The following DTD1 variants were observed in gnomAD, a reference collection of about 807,000 sequenced individuals.
DTD1 encodes D-tyrosyl-tRNA deacylase 1 homolog.
DTD1 carries 13 observed loss-of-function variants against 25.6 expected under a neutral mutation model. The observed-to-expected ratio is 0.51, with a 90% CI of 0.33 to 0.81. The LOEUF (loss-of-function observed/expected upper bound fraction) is 0.81. Ranked by LOEUF, DTD1 falls within the 30% of genes least tolerant of loss-of-function variation. The pLI, the probability that DTD1 is intolerant of heterozygous loss-of-function variation, is 0.02. For synonymous variants in DTD1, 110 were observed against 103.6 expected (o/e 1.06, Z -0.37); for missense variants, 193 against 266.4 (o/e 0.72, Z 1.92).
intron 1 of DTD1, among the ~76,000 whole-genome samples, chr20:18,592,017 G>A (rs1022200784): frequency 6.6e-6 from 1 of 152,214 alleles, no homozygotes; most frequent in Non-Finnish European, 1.5e-5. Flanking sequence ...ATGGATTGAT[G>A]TGCTCTGCTG....
At chr20:18,723,618 T>C (rs187884315) in intron 4 of DTD1, among the ~76,000 whole-genome samples, 166 of 152,350 alleles carry the variant, frequency 1.1e-3, no homozygotes, top group Non-Finnish European at 1.9e-3. Context: ...GTACACTTGG[T>C]TTTGTATGTA....
At chr20:18,760,530 G>A (rs2061357293) in intron 5 of DTD1, among the ~76,000 whole-genome samples, 1 of 152,230 alleles carries the variant, frequency 6.6e-6, no homozygotes, top group Non-Finnish European at 1.5e-5. Flanking sequence ...GCTATCAGCA[G>A]TGGAGGCTGC....
At chr20:18,594,545 C>T (rs1485944410) in intron 2 of DTD1, among the ~76,000 whole-genome samples, 1 of 152,166 alleles carries the variant, frequency 6.6e-6, no homozygotes, top group Non-Finnish European at 1.5e-5. Flanking sequence ...GCACCTCCTC[C>T]CCTCCATTAC....
At chr20:18,708,332 ATT>A (rs1405079034) in intron 4 of DTD1, among the ~76,000 whole-genome samples, 5 of 69,510 alleles carry the variant, frequency 7.2e-5, no homozygotes, top group Non-Finnish European at 5.5e-5. Flanking sequence ...ATATATATAT[ATT>A]TTATATATAT....
chr20:18,703,955 C>T (rs1474181553), intron 4 of DTD1, among the ~76,000 whole-genome samples: 2 of 151,252 alleles, frequency 1.3e-5, no homozygotes, highest in Non-Finnish European at 2.9e-5. Context: ...ATATTAAGAA[C>T]ACTGGCCAGG....
At chr20:18,755,773 T>C (rs2061336709) in intron 5 of DTD1, among the ~76,000 whole-genome samples, 1 of 152,218 alleles carries the variant, frequency 6.6e-6, no homozygotes, top group Non-Finnish European at 1.5e-5. Flanking sequence ...TATAATCCTT[T>C]GGGTATATAC....
intron 4 of DTD1, among the ~76,000 whole-genome samples, chr20:18,709,748 T>C (rs1313154215): frequency 6.6e-6 from 1 of 152,164 alleles, no homozygotes; most frequent in Non-Finnish European, 1.5e-5. Context: ...AAACTTCTCC[T>C]GGGGAACCTG....
In DTD1 at chr20:18,632,007, A is replaced by C. The variant is rs528384442; in HGVS notation, c.477+3774A>C. ...TAAGGAGTGCAGTATCATATTGTGC[A>C]CTGGGAGTAGATTTAGGAATTCTCA... On this transcript the variant is annotated intron_variant, in intron 4 of 5. Coordinates refer to ENST00000377452, the MANE Select transcript of DTD1 (RefSeq NM_080820.6). 79 of 844,290 alleles carry C rather than the reference A, an allele frequency of 9.4e-5. No homozygotes were observed. In the African/African-American group the frequency reaches 1.3e-3, roughly 13 times the overall value. 52.3% of individuals were successfully genotyped at this position (844,290 alleles called of 1,614,324 possible). A position where few individuals can be genotyped will look rare whatever the true frequency, so the allele number is the denominator to read the frequency against.
At chr20:18,649,331 T>C (rs987168517) in intron 4 of DTD1, among the ~76,000 whole-genome samples, 1 of 94,298 alleles carries the variant, frequency 1.1e-5, no homozygotes, top group Non-Finnish European at 2.3e-5. Flanking sequence ...TCTTTCTTTT[T>C]TTTTTTTTTT....
At chr20:18,744,372 G>A (rs936381930) in intron 5 of DTD1, 101 bp downstream of exon 5, 70 of 1,267,052 alleles carry the variant, frequency 5.5e-5, no homozygotes, top group South Asian at 1.2e-4. Context: ...ATTTCACAGC[G>A]TTCATCCATA....
intron 4 of DTD1, among the ~76,000 whole-genome samples, chr20:18,635,061 G>A (rs2060801751): frequency 6.6e-6 from 1 of 152,144 alleles, no homozygotes. Context: ...CTAGATTCTA[G>A]CTCCCTAATT....
intron 4 of DTD1, among the ~76,000 whole-genome samples, chr20:18,741,897 ATTTT>A (rs57912866): frequency 2.7e-4 from 24 of 88,718 alleles, no homozygotes; most frequent in Admixed American, 3.7e-4. Flanking sequence ...TAACCTTTGT[ATTTT>A]TTTTTTTTTT....
chr20:18,697,239 A>C (rs951832245), intron 4 of DTD1, among the ~76,000 whole-genome samples: 1 of 142,180 alleles, frequency 7.0e-6, no homozygotes, highest in Admixed American at 7.2e-5. Context: ...CTCAAAAAAC[A>C]AAAAAAATTA....
chr20:18,730,836 T>G (rs1423404734), intron 4 of DTD1, among the ~76,000 whole-genome samples: 1 of 152,232 alleles, frequency 6.6e-6, no homozygotes, highest in Non-Finnish European at 1.5e-5. Context: ...ATTTTCTGAA[T>G]ATTTGCGTGT....
intron 4 of DTD1, among the ~76,000 whole-genome samples, chr20:18,660,099 G>A (rs139216561): frequency 6.9e-4 from 105 of 152,222 alleles, no homozygotes; most frequent in African/African-American, 2.3e-3. Context: ...TTAGCTATGC[G>A]TGGTGGTGGA....
intron 4 of DTD1, among the ~76,000 whole-genome samples, chr20:18,633,338 G>A (rs1325435182): frequency 6.6e-6 from 1 of 152,060 alleles, no homozygotes; most frequent in African/African-American, 2.4e-5. Context: ...CAATTCCAGG[G>A]TCTCCCCCTC....
chr20:18,730,758 C>T (rs1024616940), intron 4 of DTD1, among the ~76,000 whole-genome samples: 1 of 152,112 alleles, frequency 6.6e-6, no homozygotes, highest in African/African-American at 2.4e-5. Flanking sequence ...CTTTATTATT[C>T]TCAAGAGGCT....
At chr20:18,739,911 G>T (rs910217815) in intron 4 of DTD1, among the ~76,000 whole-genome samples, 1 of 151,026 alleles carries the variant, frequency 6.6e-6, no homozygotes, top group African/African-American at 2.4e-5. Context: ...TGGTTGGGTT[G>T]TTTTAAGATA....
chr20:18,591,996 A>T (rs376439545), intron 1 of DTD1, among the ~76,000 whole-genome samples: 1 of 152,362 alleles, frequency 6.6e-6, no homozygotes, highest in South Asian at 2.1e-4. Flanking sequence ...AGCATTACTG[A>T]TATTTCAGGA....
Sources: allele counts gnomAD v4.1 joint callset (sites outside exome capture counted in the v4.1 genomes callset), GRCh38; gene constraint gnomAD v4.1.1; transcripts MANE v1.5; gene names NCBI Gene and HGNC (gene_info 2026-07-23, HGNC 2026-07-21).